The following IL17RE variants were observed in gnomAD, a reference collection of about 807,000 sequenced individuals.
IL17RE encodes the protein interleukin-17 receptor E.
In IL17RE, 47 loss-of-function variants were observed where a neutral mutation model predicts 70.7. That is an observed-to-expected ratio of 0.67 (90% CI 0.53 to 0.85). IL17RE has a LOEUF of 0.85. Among genes scored for constraint, IL17RE ranks in the 40% least tolerant of loss-of-function variants. IL17RE has a pLI of 0.00. For synonymous variants in IL17RE, 372 were observed against 381.2 expected (o/e 0.98, Z 0.28); for missense variants, 850 against 893.9 (o/e 0.95, Z 0.63).
chr3:9,914,158 C>A, intron 13 of IL17RE, 134 bp downstream of exon 13: 1 of 761,846 alleles, frequency 1.3e-6, no homozygotes, highest in Non-Finnish European at 2.2e-6. Flanking sequence ...AATTGCTTAC[C>A]ACCATTTACA....
chr3:9,913,045 G>T (rs1461100137), intron 12 of IL17RE, among the ~76,000 whole-genome samples: 2 of 152,146 alleles, frequency 1.3e-5, no homozygotes, highest in Non-Finnish European at 2.9e-5. Context: ...AGACATTCAT[G>T]TGCATATACC....
Position 9,915,627 on chromosome 3 carries a change from C to G in IL17RE, c.1824C>G (p.Arg608=). The G allele has an allele frequency of 7.1e-7, 1 of 1,413,930 alleles. No individual in the cohort carries two copies. Among genetic ancestry groups the G allele is most frequent in the Non-Finnish European group, 9.2e-7 (1 of 1,088,966 alleles). 87.6% of individuals were successfully genotyped at this position (1,413,930 alleles called of 1,614,324 possible). Reference sequence around the variant, plus strand: ...AGGGCGACATCCCCCCGCCGCTGCGCGCCCTGCCGCGCTACCGCCTGCTGC... The same window carrying G: ...AGGGCGACATCCCCCCGCCGCTGCGGGCCCTGCCGCGCTACCGCCTGCTGC... ...CAKGDIPPPL[R]ALPRYRLLRD... The change falls in exon 16 of 16, where the codon CGC becomes CGG. Residue 608 remains arginine (R), a synonymous_variant. Transcript: ENST00000383814. The surrounding 1 kb of genome is among the most constrained non-coding windows in gnomAD (Gnocchi z 4.9).
intron 13 of IL17RE, chr3:9,914,289 C>A: frequency 1.2e-6 from 1 of 852,446 alleles, no homozygotes; most frequent in Non-Finnish European, 1.8e-6. Context: ...TTGTTTCAGT[C>A]AGGGCCTGTG....
At position 9,908,248 on chromosome 3, in the gene IL17RE, T is replaced by TACA. The variant is rs1396363220; in HGVS notation, c.676_677insACA (p.Ser226delinsTyrThr). 1 of 1,614,054 alleles carries TACA rather than the reference T, an allele frequency of 6.2e-7. No individual in the cohort carries two copies. The highest frequency in any genetic ancestry group is 8.5e-7 in the Non-Finnish European group (1 of 1,180,008). On this transcript the variant is annotated protein_altering_variant, in exon 7 of 16. Coordinates refer to ENST00000383814, the MANE Select transcript of IL17RE (RefSeq NM_153480.2). ...GCTGTTTCATCCACAGAAAATTGTG[T>TACA]CTGGGGGCCACACTGTAGAGCTGCC...
chr3:9,908,261 C>A lies in IL17RE; in HGVS notation c.689C>A (p.Thr230Asn), dbSNP rs1276104291. 6.2e-7 allele frequency: 1 copy of A among 1,614,186 alleles called. No individual in the cohort carries two copies. Among genetic ancestry groups the A allele is most frequent in the Non-Finnish European group, 8.5e-7 (1 of 1,180,012 alleles). The change falls in exon 7 of 16, where the codon ACT (threonine) becomes AAT (asparagine). Residue 230 changes from threonine (T) to asparagine (N), a missense_variant. Thr to Asn is a moderately conservative substitution (Grantham distance 65, BLOSUM62 0). Transcript: ENST00000383814. ...DVQKIVSGGH[T>N]VELPYEFLLP... ...CAGAAAATTGTGTCTGGGGGCCACA[C>A]TGTAGAGCTGCCTTATGAATTCCTT...
At chr3:9,913,862 G>A in intron 12 of IL17RE, 94 bp from the exon 13 acceptor site, 1 of 974,344 alleles carries the variant, frequency 1.0e-6, no homozygotes, top group Non-Finnish European at 1.7e-6. Flanking sequence ...GATTGGGGGT[G>A]TGGTGGGGAG....
intron 2 of IL17RE, 25 bp downstream of exon 2, chr3:9,903,437 G>T: frequency 6.2e-7 from 1 of 1,613,576 alleles, no homozygotes; most frequent in Non-Finnish European, 8.5e-7. Context: ...CTGCCCCATT[G>T]CTCCTCCCCA....
chr3:9,911,105 G>C (rs184659540), intron 9 of IL17RE, 22 bp from the exon 10 acceptor site: 1 of 1,613,982 alleles, frequency 6.2e-7, no homozygotes, highest in Non-Finnish European at 8.5e-7. Context: ...TCTCCCTGAT[G>C]AACTCTCCTC....
chr3:9,906,113 G>A lies in IL17RE; in HGVS notation c.269-251G>A, dbSNP rs556255098. Among the ~76,000 whole-genome samples the A allele has an allele frequency of 1.1e-4, 16 of 152,060 alleles. 1 individual carries two copies. In the South Asian group the frequency reaches 2.7e-3, roughly 26 times the overall value. On this transcript the variant is annotated intron_variant, in intron 3 of 15. Transcript: ENST00000383814. ...AAAGATACAAAATTAGCCGGGCATG[G>A]TGGCACATGCCTGTAATCCCAGCTA...
chr3:9,911,227 G>C, intron 10 of IL17RE, 28 bp from the exon 11 acceptor site: 1 of 1,614,158 alleles, frequency 6.2e-7, no homozygotes, highest in Non-Finnish European at 8.5e-7. Flanking sequence ...CCTGGAGCTT[G>C]CTAATCTGCC....
In IL17RE at chr3:9,911,467, G is replaced by T. The variant is rs752738022; in HGVS notation, c.1097G>T (p.Ser366Ile). The T allele has an allele frequency of 3.1e-6, 5 of 1,614,166 alleles. No individual in the cohort carries two copies. Among genetic ancestry groups the T allele is most frequent in the Non-Finnish European group, 4.2e-6 (5 of 1,180,032 alleles). The change falls in exon 12 of 16, where the codon AGC becomes ATC. Residue 366 changes from serine to isoleucine, a missense_variant. Physicochemically the swap from Ser to Ile is moderately radical, Grantham distance 142. Coordinates refer to ENST00000383814, the MANE Select transcript of IL17RE (RefSeq NM_153480.2). The stretch of plus-strand genomic sequence containing the variant: ...GGGTCTCTCACATCCTGGAATGTAA[G>T]CATGGATACCCAAGCCCAGCAGCTG... ...QTGSLTSWNV[S>I]MDTQAQQLIL... is the part of the protein sequence containing the mutation.
At chr3:9,914,126 C>G in intron 13 of IL17RE, 102 bp downstream of exon 13, 1 of 960,954 alleles carries the variant, frequency 1.0e-6, no homozygotes, top group Non-Finnish European at 1.7e-6. Flanking sequence ...TTTGGTTTGG[C>G]CAGCACAGTG....
intron 13 of IL17RE, 42 bp downstream of exon 13, chr3:9,914,066 T>G (rs1212343183): frequency 6.7e-7 from 1 of 1,481,694 alleles, no homozygotes; most frequent in Non-Finnish European, 9.4e-7. Flanking sequence ...AGCCTTGGCA[T>G]CTGCTCCCCT....
rs1376303402 is a variant in IL17RE, at chr3:9,906,710, A to G, written c.371A>G (p.Lys124Arg). The stretch of plus-strand genomic sequence containing the variant: ...AACCTTGTTCTCTGCCTTTAGAGGA[A>G]GCTGCTGCCTCGTCGTCACCTGTCT... ...RHKMPAPAQR[K>R]LLPRRHLSEK... The change falls in exon 5 of 16, where the codon AAG becomes AGG. Residue 124 changes from lysine (K) to arginine (R), a missense_variant. Transcript: ENST00000383814. 2 of 1,614,188 alleles carry G rather than the reference A, an allele frequency of 1.2e-6. No individual in the cohort carries two copies. The highest frequency in any genetic ancestry group is 3.3e-5 in the Admixed American group (2 of 60,010).
At position 9,915,579 on chromosome 3, in the gene IL17RE, T is replaced by C; in HGVS notation, c.1776T>C (p.Ala592=). The C allele has an allele frequency of 7.0e-7, 1 of 1,420,648 alleles. No homozygotes were observed. The highest frequency in any genetic ancestry group is 9.2e-7 in the Non-Finnish European group (1 of 1,089,790). The allele number at this position is 1,420,648 out of a possible 1,614,324, so 88.0% of individuals were successfully genotyped here. ...CCCCGCGCCCGCTGCTGCTGCTCGC[T>C]TACTTCAGTCGCCTCTGCGCCAAGG... ...HAAPRPLLLL[A]YFSRLCAKGD... Residue 592 remains alanine, a synonymous_variant, in exon 16 of 16, where the codon GCT becomes GCC. Transcript: ENST00000383814. This position sits in a 1 kb window ranked among gnomAD's most constrained non-coding sequence, Gnocchi z 4.9.
rs756738555 is a variant in IL17RE at position 9,913,965 on chromosome 3, T to C, written c.1237T>C (p.Ser413Pro). 6.2e-7 allele frequency: 1 copy of C among 1,613,988 alleles called. No homozygotes were observed. The highest frequency in any genetic ancestry group is 8.5e-7 in the Non-Finnish European group (1 of 1,179,904). The change falls in exon 13 of 16, where the codon TCA (serine) becomes CCA (proline). Residue 413 changes from serine to proline, a missense_variant. By Grantham distance (74) the Ser-to-Pro change is moderately conservative. Coordinates refer to ENST00000383814, the MANE Select transcript of IL17RE (RefSeq NM_153480.2). ...PVYTVSQARG[S>P]SPVSLDLIIP... is the part of the protein sequence containing the mutation. ...CTCTTTGTTTCTACAGGCCCGGGGCTCAAGCCCAGTGTCACTAGACCTCAT... is the reference window on the plus strand; with the variant it reads ...CTCTTTGTTTCTACAGGCCCGGGGCCCAAGCCCAGTGTCACTAGACCTCAT...
At position 9,913,797 on chromosome 3, in the gene IL17RE, G is replaced by A. The variant is rs73814306; in HGVS notation, c.1228-159G>A. On this transcript the variant is annotated intron_variant, in intron 12 of 15. Coordinates refer to ENST00000383814, the MANE Select transcript of IL17RE (RefSeq NM_153480.2). ...GCTCTGGGAAAGATCAGTGGGAGCC[G>A]GAGTGACTGGGGAAGCCTTCTTGTC... Among the ~76,000 whole-genome samples, 594 of 152,340 alleles carry A rather than the reference G, an allele frequency of 3.9e-3. 2 individuals carry two copies. The highest frequency in any genetic ancestry group is 0.013 in the African/African-American group (554 of 41,564).
In IL17RE at chr3:9,906,995, C is replaced by A; in HGVS notation, c.561C>A (p.Ala187=). 6.2e-7 allele frequency: 1 copy of A among 1,614,150 alleles called. No individual in the cohort carries two copies. Among genetic ancestry groups the A allele is most frequent in the Non-Finnish European group, 8.5e-7 (1 of 1,180,036 alleles). The part of the protein sequence containing the change: ...PEFSFDLLPE[A]RAIRVTISSG... ...TCTCCTTTGATTTGCTGCCTGAGGCCCGGGCTATTCGGGTGACCATATCTT... is the reference window on the plus strand; with the variant it reads ...TCTCCTTTGATTTGCTGCCTGAGGCACGGGCTATTCGGGTGACCATATCTT... Residue 187 remains alanine (A), a synonymous_variant, in exon 6 of 16, where the codon GCC becomes GCA. Transcript: ENST00000383814.
At chr3:9,903,520 A>G in intron 2 of IL17RE, 108 bp downstream of exon 2, 2 of 1,208,126 alleles carry the variant, frequency 1.7e-6, no homozygotes, top group Non-Finnish European at 2.4e-6. Context: ...GAAGTAGCAC[A>G]ATATCAAGGA....
Sources: allele counts gnomAD v4.1 joint callset (sites outside exome capture counted in the v4.1 genomes callset), GRCh38; gene constraint gnomAD v4.1.1; non-coding constraint Gnocchi (gnomAD v3.1); transcripts MANE v1.5; gene names NCBI Gene and HGNC (gene_info 2026-07-23, HGNC 2026-07-21).